TIMM22: variants seen among roughly 807,000 people sequenced by gnomAD.
TIMM22 encodes the protein translocase of inner mitochondrial membrane 22, also known as mitochondrial import inner membrane translocase subunit Tim22.
In TIMM22, 12 loss-of-function variants were observed where a neutral mutation model predicts 18.3. The observed-to-expected ratio is 0.65, with a 90% CI of 0.42 to 1.06. The LOEUF is 1.06. Ranked by LOEUF, TIMM22 falls within the 50% of genes least tolerant of loss-of-function variation. The pLI, the probability that TIMM22 is intolerant of heterozygous loss-of-function variation, is 0.00. For synonymous variants in TIMM22, 107 were observed against 98.5 expected (o/e 1.09, Z -0.51); for missense variants, 278 against 252.8 (o/e 1.10, Z -0.68).
Position 997,175 on chromosome 17 carries a change from G to T in TIMM22, c.33G>T (p.Ser11=), listed in dbSNP as rs777483042. 13 of 1,610,622 alleles carry T rather than the reference G, an allele frequency of 8.1e-6. No individual in the cohort carries two copies. Among genetic ancestry groups the T allele is most frequent in the South Asian group, 1.1e-5 (1 of 90,978 alleles). ...CGGCCGCCCCCAATGCCGGAGGCTCGGCCCCTGAGACAGCGGGTTCCGCCG... is the reference window on the plus strand; with the variant it reads ...CGGCCGCCCCCAATGCCGGAGGCTCTGCCCCTGAGACAGCGGGTTCCGCCG... The part of the protein sequence containing the change: MAAAAPNAGG[S]APETAGSAEA... Residue 11 remains serine (S), a synonymous_variant, in exon 1 of 4, where the codon TCG becomes TCT. Coordinates refer to ENST00000327158, the MANE Select transcript of TIMM22 (RefSeq NM_013337.4).
At chr17:1,000,732 G>A (rs188761202) in intron 3 of TIMM22, among the ~76,000 whole-genome samples, 1 of 152,276 alleles carries the variant, frequency 6.6e-6, no homozygotes, top group East Asian at 1.9e-4. Context: ...TTGATTCCGA[G>A]GGCTGCTTCT....
Position 1,002,170 on chromosome 17 carries a change from C to T in TIMM22, c.*1082C>T, listed in dbSNP as rs1442483909. On this transcript the variant is annotated 3_prime_UTR_variant, in exon 4 of 4. Coordinates refer to ENST00000327158, the MANE Select transcript of TIMM22 (RefSeq NM_013337.4). ...TATTAAAAAAAAAAAAAAAAAAATC[C>T]GTCTACAGTTGGGCTTCAGCACTGG... The T allele has an allele frequency of 2.0e-5, 3 of 149,306 alleles. No individual in the cohort carries two copies. The highest frequency in any genetic ancestry group is 1.9e-4 in the East Asian group (1 of 5,152). The allele number at this position is 149,306 out of a possible 1,614,324, so 9.2% of individuals were successfully genotyped here. A position where few individuals can be genotyped will look rare whatever the true frequency, so the allele number is the denominator to read the frequency against.
At chr17:999,963 G>T (rs543994945) in intron 3 of TIMM22, among the ~76,000 whole-genome samples, 1 of 151,936 alleles carries the variant, frequency 6.6e-6, no homozygotes, top group African/African-American at 2.4e-5. Context: ...GCAGTGGCAC[G>T]ATGTCAGCTC....
In TIMM22 at chr17:1,003,658, C is replaced by T. The variant is rs1397371825; in HGVS notation, c.*2570C>T. The T allele has an allele frequency of 6.6e-6, 1 of 152,464 alleles. No homozygotes were observed. The highest frequency in any genetic ancestry group is 1.5e-5 in the Non-Finnish European group (1 of 68,036). The allele number at this position is 152,464 out of a possible 1,614,324, so 9.4% of individuals were successfully genotyped here. A position where few individuals can be genotyped will look rare whatever the true frequency, so the allele number is the denominator to read the frequency against. ...TATATCCTTACCAACTTATTAAAGT[C>T]AGATATTCATGAAGGGTCCCATCCT... On this transcript the variant is annotated 3_prime_UTR_variant, in exon 4 of 4. Coordinates refer to ENST00000327158, the MANE Select transcript of TIMM22 (RefSeq NM_013337.4).
In TIMM22 at chr17:999,350, TATA is replaced by T. The variant is rs1567539393; in HGVS notation, c.436-161_436-159del. ...ATATATATATATATATATATATATA[TATA>T]TATATACACGCTGTATACTTAGGAA... On this transcript the variant is annotated intron_variant, in intron 2 of 3. Transcript: ENST00000327158. 1.4e-4 allele frequency among the ~76,000 whole-genome samples: 18 copies of T among 126,728 alleles called. 1 individual carries two copies. The highest frequency in any genetic ancestry group is 7.1e-4 in the African/African-American group (18 of 25,282). 83.1% of individuals were successfully genotyped at this position (126,728 alleles called of 152,430 possible). A position where few individuals can be genotyped will look rare whatever the true frequency, so the allele number is the denominator to read the frequency against.
At position 997,147 on chromosome 17, in the gene TIMM22, C is replaced by G. The variant is rs762878830; in HGVS notation, c.5C>G (p.Ala2Gly). 2 of 1,608,226 alleles carry G rather than the reference C, an allele frequency of 1.2e-6. No individual in the cohort carries two copies. Among genetic ancestry groups the G allele is most frequent in the African/African-American group, 1.3e-5 (1 of 74,864 alleles). Residue 2 changes from alanine to glycine, a missense_variant, in exon 1 of 4, where the codon GCG becomes GGG. Physicochemically the swap from Ala to Gly is moderately conservative, Grantham distance 60. Transcript: ENST00000327158. ...GTTGCTTGGGCAGCGACTGTCATGG[C>G]GGCGGCCGCCCCCAATGCCGGAGGC... M[A>G]AAAPNAGGSA...
At chr17:1,000,364 C>G (rs941674693) in intron 3 of TIMM22, among the ~76,000 whole-genome samples, 3 of 151,912 alleles carry the variant, frequency 2.0e-5, no homozygotes, top group Admixed American at 6.6e-5. Flanking sequence ...AATTTGCTGC[C>G]TCTTCTCCCC....
intron 1 of TIMM22, among the ~76,000 whole-genome samples, chr17:998,239 C>T (rs533474471): frequency 1.3e-5 from 2 of 152,320 alleles, no homozygotes; most frequent in Non-Finnish European, 2.9e-5. Context: ...ACATGTCCAG[C>T]CGGCTCAGGA....
rs778344409 is a variant in TIMM22, at chr17:1,000,994, T to G, written c.509-18T>G. The stretch of plus-strand genomic sequence containing the variant: ...GCAGCTGTCACCACAGGTCATGTTC[T>G]TTCTGTTTGTTTGACAGCTGGCTTA... On this transcript the variant is annotated intron_variant, in intron 3 of 3. Coordinates refer to ENST00000327158, the MANE Select transcript of TIMM22 (RefSeq NM_013337.4). 5.6e-6 allele frequency: 9 copies of G among 1,613,124 alleles called. No individual in the cohort carries two copies. Among genetic ancestry groups the G allele is most frequent in the Non-Finnish European group, 7.6e-6 (9 of 1,179,272 alleles).
intron 1 of TIMM22, 47 bp from the exon 2 acceptor site, chr17:998,732 T>C (rs1490437351): frequency 1.3e-6 from 2 of 1,589,610 alleles, no homozygotes; most frequent in Admixed American, 1.7e-5. Flanking sequence ...AATAGAGTAA[T>C]GCAGAAAACA....
chr17:997,220 C>A lies in TIMM22; in HGVS notation c.78C>A (p.Ser26Arg). 6.2e-7 allele frequency: 1 copy of A among 1,613,136 alleles called. No homozygotes were observed. The highest frequency in any genetic ancestry group is 1.1e-5 in the South Asian group (1 of 91,084). ...CCGCCGAAGCTCCGCTGCAGTACAG[C>A]CTGCTCCTGCAGTACCTGGTGGGTG... The part of the protein sequence containing the change: ...AGSAEAPLQY[S>R]LLLQYLVGDK... Residue 26 changes from serine to arginine, a missense_variant, in exon 1 of 4, where the codon AGC (serine) becomes AGA (arginine). Coordinates refer to ENST00000327158, the MANE Select transcript of TIMM22 (RefSeq NM_013337.4).
rs2069785006 is a variant in TIMM22, at chr17:1,003,029, G to A, written c.*1941G>A. 6.6e-6 allele frequency: 1 copy of A among 152,080 alleles called. No individual in the cohort carries two copies. Among genetic ancestry groups the A allele is most frequent in the South Asian group, 2.1e-4 (1 of 4,824 alleles). 9.4% of individuals were successfully genotyped at this position (152,080 alleles called of 1,614,324 possible). ...AATAAACTCAGTGTCCAGTTGCTTC[G>A]GCTGGTGGGAGCCAATATTCACGCC... On this transcript the variant is annotated 3_prime_UTR_variant, in exon 4 of 4. Transcript: ENST00000327158.
chr17:1,000,781 A>G (rs1388031936), intron 3 of TIMM22, among the ~76,000 whole-genome samples: 1 of 152,238 alleles, frequency 6.6e-6, no homozygotes, highest in African/African-American at 2.4e-5. Context: ...TATTTCCCTA[A>G]GACTAGAAAT....
chr17:997,943 A>T (rs1041119763), intron 1 of TIMM22, among the ~76,000 whole-genome samples: 2 of 152,226 alleles, frequency 1.3e-5, no homozygotes, highest in Non-Finnish European at 2.9e-5. Flanking sequence ...AAGAGACAAG[A>T]GCCTGGTCTT....
At chr17:997,560 G>A (rs938591628) in intron 1 of TIMM22, among the ~76,000 whole-genome samples, 180 bp downstream of exon 1, 1 of 152,236 alleles carries the variant, frequency 6.6e-6, no homozygotes, top group African/African-American at 2.4e-5. Flanking sequence ...CTTTCCTGAT[G>A]AAAATTGGGT....
chr17:1,002,861 C>T lies in TIMM22; in HGVS notation c.*1773C>T, dbSNP rs575866726. The T allele has an allele frequency of 6.6e-6, 1 of 152,296 alleles. No individual in the cohort carries two copies. Among genetic ancestry groups the T allele is most frequent in the South Asian group, 2.1e-4 (1 of 4,830 alleles). 9.4% of individuals were successfully genotyped at this position (152,296 alleles called of 1,614,324 possible). On this transcript the variant is annotated 3_prime_UTR_variant, in exon 4 of 4. Coordinates refer to ENST00000327158, the MANE Select transcript of TIMM22 (RefSeq NM_013337.4). ...AGATGAGCGCCAGGGCTGTCAGTACCCATCGGTTCAGTAAGCGAGGCATTG... is the reference window on the plus strand; with the variant it reads ...AGATGAGCGCCAGGGCTGTCAGTACTCATCGGTTCAGTAAGCGAGGCATTG...
At chr17:999,327 A>ATC (rs200856828) in intron 2 of TIMM22, among the ~76,000 whole-genome samples, 185 bp from the exon 3 acceptor site, 628 of 29,826 alleles carry the variant, frequency 0.021, 5 homozygotes, top group South Asian at 0.077. Context: ...CGCATACTAT[A>ATC]TATATATATA....
At chr17:999,002 C>T (rs2069713125) in intron 2 of TIMM22, 27 bp downstream of exon 2, 2 of 1,586,192 alleles carry the variant, frequency 1.3e-6, no homozygotes, top group Admixed American at 1.7e-5. Context: ...TCTAAGAAAT[C>T]CTTGCTGGGG....
intron 1 of TIMM22, 30 bp from the exon 2 acceptor site, chr17:998,749 A>AG (rs1289293596): frequency 9.4e-6 from 15 of 1,602,154 alleles, no homozygotes; most frequent in African/African-American, 2.7e-5. Flanking sequence ...AACATGCCAA[A>AG]GACACCTTCA....
Sources: gnomAD v4.1 joint callset for allele counts (sites outside exome capture counted in the v4.1 genomes callset) on GRCh38, gnomAD v4.1.1 for gene constraint, MANE v1.5 for transcripts, NCBI Gene and HGNC (gene_info 2026-07-23, HGNC 2026-07-21) for gene names.